The following SNX24 variants were observed in gnomAD, a reference collection of about 807,000 sequenced individuals.
SNX24 encodes the protein sorting nexin-24.
In SNX24, 22 loss-of-function variants were observed where a neutral mutation model predicts 28.7. The observed-to-expected ratio is 0.77, with a 90% CI of 0.55 to 1.10. SNX24 has a LOEUF of 1.10. SNX24 is among the 50% of genes least tolerant of loss of function. The pLI is 0.00. For synonymous variants in SNX24, 69 were observed against 71.5 expected (o/e 0.96, Z 0.18); for missense variants, 221 against 201.1 (o/e 1.10, Z -0.60).
intron 1 of SNX24, among the ~76,000 whole-genome samples, chr5:122,928,633 C>A (rs773646236): frequency 5.3e-5 from 8 of 151,986 alleles, no homozygotes; most frequent in Non-Finnish European, 1.2e-4. Flanking sequence ...GGGCCTCAGT[C>A]TCACAACTGC....
At chr5:123,020,261 T>C (rs1239969307) in intron 5 of SNX24, among the ~76,000 whole-genome samples, 1 of 152,210 alleles carries the variant, frequency 6.6e-6, no homozygotes, top group Admixed American at 6.5e-5. Flanking sequence ...TTTTTCTGAT[T>C]ATTAAAAAGA....
chr5:122,987,117 T>C (rs900097120), intron 3 of SNX24, among the ~76,000 whole-genome samples: 1 of 152,082 alleles, frequency 6.6e-6, no homozygotes, highest in Non-Finnish European at 1.5e-5. Flanking sequence ...AGGTGGCTTC[T>C]GCATTCTCTG....
Position 122,861,137 on chromosome 5 carries a change from T to G in SNX24, c.60+15444T>G, listed in dbSNP as rs1363763461. ...GGTAGATCACTTGAGGTCAGGAGTT[T>G]GAGACCAGCCTGGCGAACGTGGTGA... On this transcript the variant is annotated intron_variant, in intron 1 of 6. Transcript: ENST00000261369. Among the ~76,000 whole-genome samples the G allele has an allele frequency of 2.0e-5, 3 of 151,888 alleles. No homozygotes were observed. The East Asian group carries it at 5.9e-4, about 30-fold the overall frequency.
chr5:122,911,127 C>G (rs1482126371), intron 1 of SNX24, among the ~76,000 whole-genome samples: 1 of 152,144 alleles, frequency 6.6e-6, no homozygotes, highest in African/African-American at 2.4e-5. Context: ...CTCTCCAGCA[C>G]TTGTTGTTTC....
intron 5 of SNX24, 114 bp downstream of exon 5, chr5:123,001,551 T>C: frequency 1.3e-6 from 1 of 798,982 alleles, no homozygotes; most frequent in South Asian, 1.7e-5. Flanking sequence ...TGGAAATTGG[T>C]TTTAAGATTA....
At chr5:122,900,110 C>A (rs1468619432) in intron 1 of SNX24, among the ~76,000 whole-genome samples, 3 of 151,866 alleles carry the variant, frequency 2.0e-5, no homozygotes, top group African/African-American at 7.3e-5. Flanking sequence ...GCCTTGAACT[C>A]TCAGGCTCAA....
At chr5:122,889,073 G>A (rs1173664424) in intron 1 of SNX24, among the ~76,000 whole-genome samples, 5 of 151,992 alleles carry the variant, frequency 3.3e-5, no homozygotes, top group South Asian at 2.1e-4. Flanking sequence ...AGCTAGTCTC[G>A]AACTCCTGAT....
chr5:122,930,845 T>G (rs1400521250), intron 1 of SNX24, among the ~76,000 whole-genome samples: 1 of 152,222 alleles, frequency 6.6e-6, no homozygotes, highest in Admixed American at 6.5e-5. Context: ...TATTTTGTTG[T>G]GGCAATTATG....
chr5:122,998,697 A>T (rs1484017004), intron 3 of SNX24, among the ~76,000 whole-genome samples: 1 of 152,194 alleles, frequency 6.6e-6, no homozygotes, highest in Non-Finnish European at 1.5e-5. Flanking sequence ...CTTCATTTGT[A>T]TGACCTGAAC....
intron 3 of SNX24, among the ~76,000 whole-genome samples, chr5:122,949,465 A>G (rs30024): frequency 0.81 from 122,570 of 152,102 alleles, 50,174 homozygotes; most frequent in East Asian, 0.99. Context: ...ATTTGAAAAA[A>G]CCACTTTATT....
At chr5:122,925,145 C>T (rs1448457030) in intron 1 of SNX24, among the ~76,000 whole-genome samples, 1 of 120,132 alleles carries the variant, frequency 8.3e-6, no homozygotes, top group African/African-American at 3.2e-5. Flanking sequence ...ATTCTTACCC[C>T]TGCCCCTCCC....
At chr5:122,950,989 C>T (rs1013480912) in intron 3 of SNX24, among the ~76,000 whole-genome samples, 5 of 152,004 alleles carry the variant, frequency 3.3e-5, no homozygotes, top group Non-Finnish European at 7.4e-5. Flanking sequence ...AAAGTCAGGC[C>T]GGGCTTGGTG....
intron 1 of SNX24, among the ~76,000 whole-genome samples, chr5:122,896,438 G>A (rs919195110): frequency 6.6e-5 from 10 of 152,180 alleles, no homozygotes; most frequent in Admixed American, 1.3e-4. Context: ...TGGTCTGGCT[G>A]GACTTAGCTG....
At chr5:122,983,343 C>A (rs1761468559) in intron 3 of SNX24, among the ~76,000 whole-genome samples, 1 of 151,894 alleles carries the variant, frequency 6.6e-6, no homozygotes, top group Admixed American at 6.6e-5. Flanking sequence ...CTTATAATTT[C>A]TCTTCTCTTT....
rs1762813353 is a variant in SNX24, at chr5:123,024,031, T to C, written n.384-5207T>C. 3 of 1,603,408 alleles carry C rather than the reference T, an allele frequency of 1.9e-6. No individual in the cohort carries two copies. In the Admixed American group the frequency reaches 5.1e-5, roughly 27 times the overall value. ...GGTGAGAGAAAAGTAGACACATGGT[T>C]TAATTCTGACCAGCAGCTATAGCAA... is the stretch of plus-strand genomic sequence containing the variant. On this transcript the variant is annotated intron_variant and non_coding_transcript_variant, in intron 5 of 5. Transcript: ENST00000502387.
intron 2 of SNX24, among the ~76,000 whole-genome samples, chr5:122,945,227 C>T (rs891132506): frequency 6.6e-6 from 1 of 152,126 alleles, no homozygotes; most frequent in Non-Finnish European, 1.5e-5. Context: ...CATTCTGCTG[C>T]CTCCCTTTTA....
At chr5:122,872,268 A>G (rs1756012980) in intron 1 of SNX24, among the ~76,000 whole-genome samples, 1 of 151,958 alleles carries the variant, frequency 6.6e-6, no homozygotes, top group South Asian at 2.1e-4. Flanking sequence ...CTTCATATTT[A>G]AGAACAAATG....
At chr5:122,900,735 C>T (rs1023290352) in intron 1 of SNX24, among the ~76,000 whole-genome samples, 4 of 152,042 alleles carry the variant, frequency 2.6e-5, no homozygotes, top group Non-Finnish European at 5.9e-5. Context: ...CACTACTGCA[C>T]TCCAGCCTGG....
intron 1 of SNX24, among the ~76,000 whole-genome samples, chr5:122,907,601 C>G (rs910098778): frequency 6.6e-6 from 1 of 152,132 alleles, no homozygotes; most frequent in African/African-American, 2.4e-5. Context: ...CTAATTTATA[C>G]TTTGCGGTCA....
Sources: allele counts gnomAD v4.1 joint callset (sites outside exome capture counted in the v4.1 genomes callset), GRCh38; gene constraint gnomAD v4.1.1; transcripts MANE v1.5; gene names NCBI Gene and HGNC (gene_info 2026-07-23, HGNC 2026-07-21).